Variants in HTRA2 observed in about 807,000 individuals in gnomAD.
HTRA2 encodes serine protease HTRA2, mitochondrial.
A neutral mutation model predicts 42.2 loss-of-function variants in HTRA2; 24 were observed. The ratio of observed to expected loss-of-function variants is 0.57; its 90% CI spans 0.41 to 0.80. HTRA2 has a LOEUF of 0.80. HTRA2 is among the 30% of genes least tolerant of loss of function. The pLI is 0.00. For synonymous variants in HTRA2, 245 were observed against 255.8 expected, an observed-to-expected ratio of 0.96 and a Z score of 0.40; for missense variants, 466 against 613.5, an observed-to-expected ratio of 0.76 and a Z score of 2.54.
intron 7 of HTRA2, 50 bp downstream of exon 7, chr2:74,532,764 G>A: frequency 6.2e-7 from 1 of 1,612,518 alleles, no homozygotes; most frequent in Non-Finnish European, 8.5e-7. Flanking sequence ...GTGTGCATGT[G>A]TCCTTGAACT....
At position 74,532,600 on chromosome 2, in the gene HTRA2, G is replaced by A. The variant is rs756706451; in HGVS notation, c.1116-19G>A. The A allele has an allele frequency of 4.4e-6, 7 of 1,608,250 alleles. No individual in the cohort carries two copies. The African/African-American group carries it at 9.4e-5, about 22-fold the overall frequency. ...AGAATGCCTGGGTTTGGCTAATAGG[G>A]TGATCTGTGTACTTTCAGCATCCTT... On this transcript the variant is annotated intron_variant, in intron 6 of 7. Transcript: ENST00000258080.
rs1193406190 is a variant in HTRA2 at position 74,533,067 on chromosome 2, G to A, written c.*82G>A. The A allele has an allele frequency of 7.1e-7, 1 of 1,402,272 alleles. No individual in the cohort carries two copies. The highest frequency in any genetic ancestry group is 1.4e-5 in the African/African-American group (1 of 70,738). The allele number at this position is 1,402,272 out of a possible 1,614,324, so 86.9% of individuals were successfully genotyped here. ...GAGGTTCTGAGGGCACCGAGACAGAGGGTTAAATGAACCAGTGGGGGCAGG... is the reference window on the plus strand; with the variant it reads ...GAGGTTCTGAGGGCACCGAGACAGAAGGTTAAATGAACCAGTGGGGGCAGG... On this transcript the variant is annotated 3_prime_UTR_variant, in exon 8 of 8. Coordinates refer to ENST00000258080, the MANE Select transcript of HTRA2 (RefSeq NM_013247.5).
In HTRA2 at chr2:74,531,024, T is replaced by C. The variant is rs777650346; in HGVS notation, c.825T>C (p.Val275=). The C allele has an allele frequency of 5.0e-6, 8 of 1,614,226 alleles. No individual in the cohort carries two copies. Among genetic ancestry groups the C allele is most frequent in the Non-Finnish European group, 8.5e-7 (1 of 1,180,044 alleles). Residue 275 remains valine (V), a synonymous_variant, in exon 3 of 8, where the codon GTT becomes GTC. Transcript: ENST00000258080. ...ALQNTITSGI[V]SSAQRPARDL... Reference sequence around the variant, plus strand: ...AGAACACGATCACATCCGGCATTGTTAGCTCTGCTCAGCGTCCAGCCAGAG... The same window carrying C: ...AGAACACGATCACATCCGGCATTGTCAGCTCTGCTCAGCGTCCAGCCAGAG...
At position 74,532,068 on chromosome 2, in the gene HTRA2, A is replaced by G. The variant is rs1675652544; in HGVS notation, c.1115+143A>G. On this transcript the variant is annotated intron_variant, in intron 6 of 7. Coordinates refer to ENST00000258080, the MANE Select transcript of HTRA2 (RefSeq NM_013247.5). ...ATAATCACAAGAGCTGTCTCCCTTC[A>G]TCATCTTGACTTTCTTATCCCACTC... 7.1e-6 allele frequency: 6 copies of G among 846,042 alleles called. No homozygotes were observed. In the South Asian group the frequency reaches 7.2e-5, roughly 10 times the overall value. 52.4% of individuals were successfully genotyped at this position (846,042 alleles called of 1,614,324 possible).
intron 4 of HTRA2, 64 bp from the exon 5 acceptor site, chr2:74,531,533 G>A (rs1255958476): frequency 6.2e-7 from 1 of 1,612,562 alleles, no homozygotes; most frequent in Non-Finnish European, 8.5e-7. Flanking sequence ...TGGTACTTTT[G>A]TTCGGGTGCC....
rs770603137 is a variant in HTRA2 at position 74,530,764 on chromosome 2, C to G, written c.654C>G (p.Ala218=). ...TGCTAAGCGGCGACACGTATGAGGCCGTGGTCACAGCTGTGGATCCCGTGG... is the reference window on the plus strand; with the variant it reads ...TGCTAAGCGGCGACACGTATGAGGCGGTGGTCACAGCTGTGGATCCCGTGG... ...VRLLSGDTYE[A]VVTAVDPVAD... Residue 218 remains alanine, a synonymous_variant, in exon 2 of 8, where the codon GCC becomes GCG. Coordinates refer to ENST00000258080, the MANE Select transcript of HTRA2 (RefSeq NM_013247.5). The surrounding 1 kb of genome is among the most constrained non-coding windows in gnomAD (Gnocchi z 7.4). 1 of 1,614,156 alleles carries G rather than the reference C, an allele frequency of 6.2e-7. No individual in the cohort carries two copies. The highest frequency in any genetic ancestry group is 2.2e-5 in the East Asian group (1 of 44,876).
rs1460588605 is a variant in HTRA2, at chr2:74,531,349, C to T, written c.917C>T (p.Ser306Phe). 6.2e-7 allele frequency: 1 copy of T among 1,614,062 alleles called. No homozygotes were observed. The highest frequency in any genetic ancestry group is 1.3e-5 in the African/African-American group (1 of 74,928). ...QTDAAIDFGN[S>F]GGPLVNLDGE... ...CTCCTTGTCCTACAGTTTGGAAACT[C>T]TGGAGGTCCCCTGGTTAACCTGGTG... The change falls in exon 4 of 8, where the codon TCT becomes TTT. Residue 306 changes from serine to phenylalanine, a missense_variant. Ser to Phe is a radical substitution (Grantham distance 155). Around this residue, in one of 3 missense-constraint regions of HTRA2, gnomAD observed 115 missense variants for 245.4 expected, o/e 0.47. Transcript: ENST00000258080.
At chr2:74,529,500 C>A, upstream of HTRA2, 2 of 1,550,990 alleles carry the variant, frequency 1.3e-6, no homozygotes. Context: ...ACCCGGAAGC[C>A]TGGGGGCGAG....
Position 74,532,932 on chromosome 2 carries a change from C to T in HTRA2, c.1324C>T (p.Arg442Trp). 6.2e-7 allele frequency: 1 copy of T among 1,613,660 alleles called. No homozygotes were observed. Among genetic ancestry groups the T allele is most frequent in the Non-Finnish European group, 8.5e-7 (1 of 1,179,866 alleles). ...CCAATCCCAGTTGGCAGTGCAGATCCGGCGGGGACGAGAAACACTGACCTT... is the reference window on the plus strand; with the variant it reads ...CCAATCCCAGTTGGCAGTGCAGATCTGGCGGGGACGAGAAACACTGACCTT... ...RTQSQLAVQI[R>W]RGRETLTLYV... Residue 442 changes from arginine (R) to tryptophan (W), a missense_variant, in exon 8 of 8, where the codon CGG becomes TGG. Arg to Trp is a moderately radical substitution (Grantham distance 101). Around this residue, in one of 3 missense-constraint regions of HTRA2, gnomAD observed 129 missense variants for 163.1 expected, o/e 0.79. Coordinates refer to ENST00000258080, the MANE Select transcript of HTRA2 (RefSeq NM_013247.5).
In HTRA2 at chr2:74,530,682, G is replaced by T; in HGVS notation, c.572G>T (p.Gly191Val). The T allele has an allele frequency of 6.2e-7, 1 of 1,614,192 alleles. No homozygotes were observed. Among genetic ancestry groups the T allele is most frequent in the Non-Finnish European group, 8.5e-7 (1 of 1,180,030 alleles). ...TCAGGATTCGTGGTGGCTGCCGATG[G>T]GCTCATTGTCACCAACGCCCATGTG... is the stretch of plus-strand genomic sequence containing the variant. The part of the protein sequence containing the change: ...NGSGFVVAAD[G>V]LIVTNAHVVA... Residue 191 changes from glycine (G) to valine (V), a missense_variant, in exon 2 of 8, where the codon GGG becomes GTG. By Grantham distance (109) the Gly-to-Val change is moderately radical. This residue lies in a region of HTRA2 where 115 missense variants were observed against 245.4 expected (regional missense o/e 0.47). Coordinates refer to ENST00000258080, the MANE Select transcript of HTRA2 (RefSeq NM_013247.5). This position sits in a 1 kb window ranked among gnomAD's most constrained non-coding sequence, Gnocchi z 7.4.
At position 74,530,353 on chromosome 2, in the gene HTRA2, C is replaced by G. The variant is rs879622335; in HGVS notation, c.347C>G (p.Ala116Gly). The change falls in exon 1 of 8, where the codon GCA becomes GGA. Residue 116 changes from alanine (A) to glycine (G), a missense_variant. Transcript: ENST00000258080. This position sits in a 1 kb window ranked among gnomAD's most constrained non-coding sequence, Gnocchi z 7.4. ...WLAVALGAGG[A>G]VLLLLWGGGR... ...GCGGTGGCGCTGGGCGCTGGGGGGG[C>G]AGTGCTGTTGTTGTTGTGGGGCGGG... is the stretch of plus-strand genomic sequence containing the variant. 1 of 1,592,454 alleles carries G rather than the reference C, an allele frequency of 6.3e-7. No individual in the cohort carries two copies.
chr2:74,531,567 G>A (rs745498314), intron 4 of HTRA2, 30 bp from the exon 5 acceptor site: 2 of 1,614,072 alleles, frequency 1.2e-6, no homozygotes, highest in African/African-American at 1.3e-5. Context: ...ATTTGTTTAG[G>A]CTAGGGAACT....
At position 74,533,083 on chromosome 2, in the gene HTRA2, T is replaced by G. The variant is rs1043006778; in HGVS notation, c.*98T>G. On this transcript the variant is annotated 3_prime_UTR_variant, in exon 8 of 8. Coordinates refer to ENST00000258080, the MANE Select transcript of HTRA2 (RefSeq NM_013247.5). Reference sequence around the variant, plus strand: ...CGAGACAGAGGGTTAAATGAACCAGTGGGGGCAGGTCCCTCCAACCACCAG... The same window carrying G: ...CGAGACAGAGGGTTAAATGAACCAGGGGGGGCAGGTCCCTCCAACCACCAG... 1 of 1,165,492 alleles carries G rather than the reference T, an allele frequency of 8.6e-7. No individual in the cohort carries two copies. Among genetic ancestry groups the G allele is most frequent in the African/African-American group, 1.5e-5 (1 of 65,718 alleles). 72.2% of individuals were successfully genotyped at this position (1,165,492 alleles called of 1,614,324 possible). A position where few individuals can be genotyped will look rare whatever the true frequency, so the allele number is the denominator to read the frequency against.
At chr2:74,531,263 G>A (rs1318531133) in intron 3 of HTRA2, 76 bp from the exon 4 acceptor site, 7 of 1,579,906 alleles carry the variant, frequency 4.4e-6, no homozygotes, top group Non-Finnish European at 6.1e-6. Flanking sequence ...AGAATTTGGA[G>A]AAAGTACCTA....
rs1675522066 is a variant in HTRA2, at chr2:74,530,590, C to T, written c.507-27C>T. On this transcript the variant is annotated intron_variant, in intron 1 of 7. Coordinates refer to ENST00000258080, the MANE Select transcript of HTRA2 (RefSeq NM_013247.5). This position sits in a 1 kb window ranked among gnomAD's most constrained non-coding sequence, Gnocchi z 7.4. ...CGGGTAGGAGGGGTCAGAGCCTCCT[C>T]TTATCTGTGCTTTCCCTCCATTTCA... 1.2e-6 allele frequency: 2 copies of T among 1,613,902 alleles called. No individual in the cohort carries two copies. The highest frequency in any genetic ancestry group is 3.3e-5 in the Admixed American group (2 of 60,032).
At chr2:74,529,677 G>A, upstream of HTRA2, 1 of 1,542,230 alleles carries the variant, frequency 6.5e-7, no homozygotes, top group Non-Finnish European at 8.7e-7. Context: ...CGCCATTTTC[G>A]CGCCCGGCCG....
Position 74,531,917 on chromosome 2 carries a change from G to T in HTRA2, c.1107G>T (p.Leu369=). The T allele has an allele frequency of 6.2e-7, 1 of 1,614,114 alleles. No individual in the cohort carries two copies. The highest frequency in any genetic ancestry group is 8.5e-7 in the Non-Finnish European group (1 of 1,180,002). Residue 369 remains leucine, a synonymous_variant, in exon 6 of 8, where the codon CTG becomes CTT. Coordinates refer to ENST00000258080, the MANE Select transcript of HTRA2 (RefSeq NM_013247.5). ...ACATTGGGGTGATGATGCTGACCCTGAGTCCCAGGTATGAGCTTTAGGGAC... is the reference window on the plus strand; with the variant it reads ...ACATTGGGGTGATGATGCTGACCCTTAGTCCCAGGTATGAGCTTTAGGGAC... The part of the protein sequence containing the change: ...RRYIGVMMLT[L]SPSILAELQL...
At chr2:74,533,369 C>G (rs71640295), downstream of HTRA2, 3 of 549,456 alleles carry the variant, frequency 5.5e-6, no homozygotes, top group Non-Finnish European at 9.8e-6. Context: ...GTGGTGGGCT[C>G]TGGTCTGTTC....
Position 74,533,288 on chromosome 2 carries a change from G to A in HTRA2, c.*303G>A. 1 of 535,056 alleles carries A rather than the reference G, an allele frequency of 1.9e-6. No homozygotes were observed. The highest frequency in any genetic ancestry group is 3.3e-6 in the Non-Finnish European group (1 of 301,142). The allele number at this position is 535,056 out of a possible 1,614,324, so 33.1% of individuals were successfully genotyped here. A position where few individuals can be genotyped will look rare whatever the true frequency, so the allele number is the denominator to read the frequency against. On this transcript the variant is annotated 3_prime_UTR_variant, in exon 8 of 8. Coordinates refer to ENST00000258080, the MANE Select transcript of HTRA2 (RefSeq NM_013247.5). ...GGGAGATACTGGAGCTGACCATCCT[G>A]ACCTCCTATTAAAGAAAATGAGCTG...
Sources: gnomAD v4.1 joint callset for allele counts on GRCh38, gnomAD v4.1.1 for gene constraint, gnomAD v4.1.1 regional missense constraint, Gnocchi (gnomAD v3.1) non-coding constraint, MANE v1.5 for transcripts, NCBI Gene and HGNC (gene_info 2026-07-23, HGNC 2026-07-21) for gene names.